Variants in XKR4 observed in about 807,000 individuals in gnomAD.
XKR4 encodes XK-related protein 4.
Under a neutral mutation model 53.9 loss-of-function variants are expected in XKR4, and 12 were observed. The observed-to-expected ratio is 0.22, with a 90% CI of 0.14 to 0.36. The LOEUF is 0.36. Ranked by LOEUF, XKR4 falls within the 10% of genes least tolerant of loss-of-function variation. The pLI, the probability that XKR4 is intolerant of heterozygous loss-of-function variation, is 1.00. For missense variants in XKR4, 799 were observed against 859.5 expected (o/e 0.93, Z 0.88); for synonymous variants, 354 against 362.4 (o/e 0.98, Z 0.26).
At position 55,353,157 on chromosome 8, in the gene XKR4, A is replaced by C. The variant is rs115167923; in HGVS notation, c.807-4521A>C. 2.1e-3 allele frequency among the ~76,000 whole-genome samples: 316 copies of C among 152,338 alleles called. 1 individual carries two copies. The highest frequency in any genetic ancestry group is 6.9e-3 in the African/African-American group (286 of 41,568). On this transcript the variant is annotated intron_variant, in intron 1 of 2. Coordinates refer to ENST00000327381, the MANE Select transcript of XKR4 (RefSeq NM_052898.2). ...ATGGAGTGAACAAGATCAAACACTG[A>C]TAGAAAAGTGTTAGGGTTGAATCGT...
intron 1 of XKR4, among the ~76,000 whole-genome samples, chr8:55,218,510 C>A (rs1434415016): frequency 6.6e-6 from 1 of 152,132 alleles, no homozygotes; most frequent in African/African-American, 2.4e-5. Flanking sequence ...CAAAAATTAC[C>A]ACCAGAATTA....
chr8:55,493,193 G>C (rs7839044), intron 2 of XKR4, among the ~76,000 whole-genome samples: 8,266 of 152,280 alleles, frequency 0.054, 617 homozygotes, highest in East Asian at 0.27. Context: ...AGCTAAAGGA[G>C]CAAAAATTGG....
intron 2 of XKR4, among the ~76,000 whole-genome samples, chr8:55,405,557 G>A (rs185208772): frequency 6.6e-6 from 1 of 152,312 alleles, no homozygotes; most frequent in Admixed American, 6.5e-5. Context: ...CTTGTCACAT[G>A]TATGGCATTT....
At chr8:55,170,494 G>C (rs777107617) in intron 1 of XKR4, among the ~76,000 whole-genome samples, 1 of 152,182 alleles carries the variant, frequency 6.6e-6, no homozygotes. Context: ...CCCAGAGCCT[G>C]CAGAAGGAAC....
intron 2 of XKR4, among the ~76,000 whole-genome samples, chr8:55,468,341 A>G (rs1203705492): frequency 6.6e-6 from 1 of 152,126 alleles, no homozygotes; most frequent in African/African-American, 2.4e-5. Flanking sequence ...CTGTCAGTTT[A>G]CAGCTCTGAG....
At chr8:55,451,943 A>G (rs531522721) in intron 2 of XKR4, 1 of 773,134 alleles carries the variant, frequency 1.3e-6, no homozygotes, top group East Asian at 2.5e-5. Context: ...GGCTGGCTCC[A>G]GTGCTCCTAG....
intron 1 of XKR4, among the ~76,000 whole-genome samples, chr8:55,212,439 T>C (rs1215567055): frequency 6.6e-6 from 1 of 152,192 alleles, no homozygotes; most frequent in African/African-American, 2.4e-5. Flanking sequence ...ATCTTATTGC[T>C]GGAAAGAGTC....
intron 2 of XKR4, among the ~76,000 whole-genome samples, chr8:55,520,314 G>A (rs1055007410): frequency 1.3e-5 from 2 of 152,224 alleles, no homozygotes; most frequent in Admixed American, 6.5e-5. Flanking sequence ...GCCCCAGCAC[G>A]GTGGCTCACG....
intron 2 of XKR4, among the ~76,000 whole-genome samples, chr8:55,370,087 A>C (rs890781882): frequency 6.6e-5 from 10 of 152,168 alleles, no homozygotes; most frequent in African/African-American, 1.2e-4. Flanking sequence ...AACAACAACA[A>C]CACTAAATCT....
chr8:55,295,128 G>A (rs1257100393), intron 1 of XKR4, among the ~76,000 whole-genome samples: 1 of 152,132 alleles, frequency 6.6e-6, no homozygotes, highest in East Asian at 1.9e-4. Context: ...TAAGACACGA[G>A]GCTAGCTGTA....
intron 1 of XKR4, among the ~76,000 whole-genome samples, chr8:55,228,011 A>G (rs562891809): frequency 1.3e-5 from 2 of 152,266 alleles, no homozygotes; most frequent in African/African-American, 2.4e-5. Flanking sequence ...GGCTCCAGCA[A>G]TTCTCCTGCC....
chr8:55,340,791 C>T (rs1392574893), intron 1 of XKR4, among the ~76,000 whole-genome samples: 1 of 152,108 alleles, frequency 6.6e-6, no homozygotes, highest in Non-Finnish European at 1.5e-5. Flanking sequence ...AGGAATGGTT[C>T]TTGGATTTGG....
chr8:55,115,232 G>T (rs1246658291), intron 1 of XKR4, among the ~76,000 whole-genome samples: 3 of 152,146 alleles, frequency 2.0e-5, no homozygotes. Context: ...GGTCAGAAAG[G>T]CTAATGTGAG....
chr8:55,247,010 C>A (rs975709674), intron 1 of XKR4, among the ~76,000 whole-genome samples: 1 of 152,118 alleles, frequency 6.6e-6, no homozygotes, highest in Non-Finnish European at 1.5e-5. Flanking sequence ...CAAAGCCAAG[C>A]CAGGAGGAAA....
At chr8:55,206,008 TA>T (rs1354657268) in intron 1 of XKR4, among the ~76,000 whole-genome samples, 1 of 152,148 alleles carries the variant, frequency 6.6e-6, no homozygotes, top group Non-Finnish European at 1.5e-5. Context: ...TTACAGCTCT[TA>T]AAGGTGGCGC....
At chr8:55,451,184 G>A (rs1050701276) in intron 2 of XKR4, 2 of 556,128 alleles carry the variant, frequency 3.6e-6, no homozygotes, top group Non-Finnish European at 6.4e-6. Flanking sequence ...CGTTGGCCTG[G>A]GGTGGGGCCA....
chr8:55,331,840 A>T (rs1035194450), intron 1 of XKR4, among the ~76,000 whole-genome samples: 7 of 152,154 alleles, frequency 4.6e-5, no homozygotes, highest in East Asian at 1.9e-4. Flanking sequence ...TAGATATAAG[A>T]TATGTGTCTT....
intron 1 of XKR4, among the ~76,000 whole-genome samples, chr8:55,265,722 G>A (rs1818590303): frequency 6.6e-6 from 1 of 151,990 alleles, no homozygotes; most frequent in Non-Finnish European, 1.5e-5. Flanking sequence ...GCTCTTGCCT[G>A]TAATCCCAGC....
At chr8:55,483,799 AT>A (rs936617246) in intron 2 of XKR4, among the ~76,000 whole-genome samples, 22 of 152,116 alleles carry the variant, frequency 1.4e-4, no homozygotes, top group Non-Finnish European at 1.2e-4. Flanking sequence ...AGCAAAATTA[AT>A]GCAAAACAGG....
Sources: allele counts gnomAD v4.1 joint callset (sites outside exome capture counted in the v4.1 genomes callset), GRCh38; gene constraint gnomAD v4.1.1; transcripts MANE v1.5; gene names NCBI Gene and HGNC (gene_info 2026-07-23, HGNC 2026-07-21).